MPP7: variants seen among roughly 807,000 people sequenced by gnomAD.
The protein encoded by MPP7 is MAGUK p55 subfamily member 7.
MPP7 carries 60 observed loss-of-function variants against 76.5 expected under a neutral mutation model. That is an observed-to-expected ratio of 0.78 (90% confidence interval 0.64 to 0.97). The LOEUF (loss-of-function observed/expected upper bound fraction) is 0.97. Ranked by LOEUF, MPP7 falls within the 50% of genes least tolerant of loss-of-function variation. The pLI is 0.00. For synonymous variants in MPP7, 237 were observed against 244.5 expected (o/e 0.97, Z 0.29); for missense variants, 641 against 694.0 (o/e 0.92, Z 0.86).
intron 3 of MPP7, among the ~76,000 whole-genome samples, chr10:28,178,436 C>G (rs1285684002): frequency 6.6e-6 from 1 of 151,326 alleles, no homozygotes; most frequent in East Asian, 1.9e-4. Context: ...AGGATAAACA[C>G]CAAGCAGGCA....
In MPP7 at chr10:28,114,715, G is replaced by A. The variant is rs138666103; in HGVS notation, c.952+4936C>T. ...CCGTCCTAAAAGTCTGCAATAATCCGCAACCACAGATCAGACCCCTAAGAG... is the reference window on the plus strand; with the variant it reads ...CCGTCCTAAAAGTCTGCAATAATCCACAACCACAGATCAGACCCCTAAGAG... On this transcript the variant is annotated intron_variant, in intron 11 of 16. Coordinates refer to ENST00000683449, the MANE Select transcript of MPP7 (RefSeq NM_001318170.2). 9.7e-3 allele frequency among the ~76,000 whole-genome samples: 1,478 copies of A among 152,186 alleles called. 30 individuals are homozygous for A. Among genetic ancestry groups the A allele is most frequent in the African/African-American group, 0.033 (1,377 of 41,526 alleles).
intron 13 of MPP7, among the ~76,000 whole-genome samples, chr10:28,060,375 G>A (rs1430328538): frequency 4.6e-5 from 7 of 152,102 alleles, no homozygotes; most frequent in Non-Finnish European, 7.3e-5. Flanking sequence ...TCATTAAAAC[G>A]ACAACATGAA....
chr10:28,163,658 T>C (rs1167932026), intron 3 of MPP7, among the ~76,000 whole-genome samples: 3 of 152,110 alleles, frequency 2.0e-5, no homozygotes, highest in African/African-American at 7.2e-5. Flanking sequence ...GAATGAGTAC[T>C]ATATTTTGGC....
At chr10:28,301,792 C>T (rs1051380264) in intron 1 of MPP7, among the ~76,000 whole-genome samples, 10 of 152,006 alleles carry the variant, frequency 6.6e-5, no homozygotes, top group African/African-American at 2.4e-4. Context: ...TTTATAGAAC[C>T]AGAGTGAACC....
At chr10:28,293,692 G>A (rs553682234) in intron 1 of MPP7, among the ~76,000 whole-genome samples, 11 of 152,296 alleles carry the variant, frequency 7.2e-5, no homozygotes, top group Admixed American at 3.3e-4. Context: ...GGGCAGCTCC[G>A]CGTCACAGGT....
At chr10:28,235,498 T>C (rs1474873458) in intron 2 of MPP7, among the ~76,000 whole-genome samples, 1 of 152,084 alleles carries the variant, frequency 6.6e-6, no homozygotes, top group Non-Finnish European at 1.5e-5. Context: ...TGGATTATGA[T>C]AGAGGGGATA....
chr10:28,327,231 T>TAAAAAAAAAAA (rs59442840), intron 2 of MPP7, among the ~76,000 whole-genome samples: 9 of 95,738 alleles, frequency 9.4e-5, no homozygotes, highest in East Asian at 3.6e-4. Flanking sequence ...GTCAAAGAAG[T>TAAAAAAAAAAA]AAAAAAAAAA....
At chr10:28,328,256 A>T (rs1260826944) in intron 2 of MPP7, among the ~76,000 whole-genome samples, 2 of 152,230 alleles carry the variant, frequency 1.3e-5, no homozygotes, top group Non-Finnish European at 2.9e-5. Flanking sequence ...TAAAAAGTAT[A>T]GAATAACTGT....
chr10:28,279,560 C>T (rs1338642791), intron 1 of MPP7, among the ~76,000 whole-genome samples: 1 of 151,846 alleles, frequency 6.6e-6, no homozygotes, highest in Non-Finnish European at 1.5e-5. Flanking sequence ...CAAAAATTAG[C>T]TGGGCATGGT....
intron 1 of MPP7, among the ~76,000 whole-genome samples, chr10:28,250,013 CA>C (rs34565971): frequency 0.65 from 94,980 of 145,332 alleles, 30,481 homozygotes; most frequent in Non-Finnish European, 0.68. Context: ...TTGAAAGTCT[CA>C]AAAAAAAAAA....
chr10:28,141,758 A>T (rs1381041832), intron 5 of MPP7, among the ~76,000 whole-genome samples: 2 of 151,940 alleles, frequency 1.3e-5, no homozygotes, highest in African/African-American at 4.8e-5. Flanking sequence ...ATTGCATCCC[A>T]ATGGTTTTTT....
At chr10:28,335,001 G>A (rs559327849), upstream of MPP7, among the ~76,000 whole-genome samples, 1 of 152,298 alleles carries the variant, frequency 6.6e-6, no homozygotes, top group Non-Finnish European at 1.5e-5. Flanking sequence ...GATCACTCAC[G>A]AGGCGGCAAT....
At chr10:28,212,782 GC>G (rs1208018280) in intron 2 of MPP7, among the ~76,000 whole-genome samples, 3 of 152,172 alleles carry the variant, frequency 2.0e-5, no homozygotes, top group Non-Finnish European at 4.4e-5. Context: ...CCACTGATAA[GC>G]AAGTACAATG....
intron 2 of MPP7, among the ~76,000 whole-genome samples, chr10:28,211,965 C>T (rs79674172): frequency 6.6e-6 from 1 of 151,958 alleles, no homozygotes; most frequent in Non-Finnish European, 1.5e-5. Flanking sequence ...AAAAGCATCA[C>T]TCAGCCAGGC....
chr10:28,263,206 T>C (rs1309108794), intron 1 of MPP7, among the ~76,000 whole-genome samples: 3 of 152,210 alleles, frequency 2.0e-5, no homozygotes, highest in African/African-American at 4.8e-5. Flanking sequence ...CTGGTGGTAG[T>C]GTATTCAAAT....
chr10:28,219,445 G>A (rs1478005687), intron 2 of MPP7, among the ~76,000 whole-genome samples: 6 of 151,980 alleles, frequency 3.9e-5, no homozygotes, highest in African/African-American at 4.8e-5. Flanking sequence ...ACATCAGAAC[G>A]GAAAAATTTA....
At chr10:28,288,100 C>A (rs61845941) in intron 1 of MPP7, among the ~76,000 whole-genome samples, 1,631 of 152,270 alleles carry the variant, frequency 0.011, 20 homozygotes, top group Non-Finnish European at 0.018. Context: ...TATGAGAATC[C>A]AGCTGCTTCT....
intron 11 of MPP7, among the ~76,000 whole-genome samples, chr10:28,101,742 C>T (rs1007201591): frequency 6.6e-5 from 10 of 151,882 alleles, no homozygotes; most frequent in Admixed American, 6.6e-4. Flanking sequence ...CAGAGGAAAA[C>T]AGTCTGTAAA....
chr10:28,158,011 C>T (rs1244942748), intron 3 of MPP7, among the ~76,000 whole-genome samples: 1 of 152,202 alleles, frequency 6.6e-6, no homozygotes, highest in Non-Finnish European at 1.5e-5. Flanking sequence ...AGATCCCTTG[C>T]TCATAACCCA....
Sources: gnomAD v4.1 joint callset for allele counts (sites outside exome capture counted in the v4.1 genomes callset) on GRCh38, gnomAD v4.1.1 for gene constraint, MANE v1.5 for transcripts, NCBI Gene and HGNC (gene_info 2026-07-23, HGNC 2026-07-21) for gene names.